Variants in PPIP5K2 observed in about 807,000 individuals in gnomAD.
PPIP5K2 encodes inositol hexakisphosphate and diphosphoinositol-pentakisphosphate kinase 2.
A neutral mutation model predicts 154.6 loss-of-function variants in PPIP5K2; 105 were observed. The observed-to-expected ratio is 0.68, with a 90% CI of 0.58 to 0.80. The LOEUF (loss-of-function observed/expected upper bound fraction) is 0.80, where lower values mean the gene tolerates loss of function less well. Ranked by LOEUF, PPIP5K2 falls within the 30% of genes least tolerant of loss-of-function variation. The pLI is 0.00. For missense variants in PPIP5K2, 992 were observed against 1,504.6 expected, an observed-to-expected ratio of 0.66 and a Z score of 5.64; for synonymous variants, 480 against 490.3, an observed-to-expected ratio of 0.98 and a Z score of 0.28.
At chr5:103,187,532 A>T (rs1341534065) in intron 28 of PPIP5K2, among the ~76,000 whole-genome samples, 156 bp downstream of exon 28, 2 of 152,074 alleles carry the variant, frequency 1.3e-5, no homozygotes, top group Non-Finnish European at 2.9e-5. Flanking sequence ...CAAATTATTG[A>T]TACTGTCTAG....
intron 14 of PPIP5K2, among the ~76,000 whole-genome samples, chr5:103,156,844 C>T (rs1795490775): frequency 6.6e-6 from 1 of 152,086 alleles, no homozygotes; most frequent in Non-Finnish European, 1.5e-5. Context: ...TAGGGATATT[C>T]ATAGTGGTAT....
intron 16 of PPIP5K2, 39 bp from the exon 17 acceptor site, chr5:103,159,107 A>T: frequency 7.3e-7 from 1 of 1,370,180 alleles, no homozygotes. Flanking sequence ...TTACGTATTA[A>T]TTTTTTAAAT....
chr5:103,181,307 C>A (rs1035051101), intron 24 of PPIP5K2, among the ~76,000 whole-genome samples: 1 of 152,050 alleles, frequency 6.6e-6, no homozygotes, highest in Admixed American at 6.6e-5. Context: ...GTGGCTCATG[C>A]CTGTAAACCT....
chr5:103,143,675 A>G (rs1480465347), intron 5 of PPIP5K2, among the ~76,000 whole-genome samples: 1 of 152,232 alleles, frequency 6.6e-6, no homozygotes, highest in Non-Finnish European at 1.5e-5. Context: ...ATCCAACTCT[A>G]TACTCTCTAC....
intron 4 of PPIP5K2, among the ~76,000 whole-genome samples, 182 bp downstream of exon 4, chr5:103,137,004 T>C (rs1393056520): frequency 2.0e-5 from 3 of 152,212 alleles, no homozygotes; most frequent in African/African-American, 7.2e-5. Flanking sequence ...ATTAGGAAGA[T>C]TGATTAATCT....
intron 28 of PPIP5K2, chr5:103,189,300 A>G (rs1800863075): frequency 1.7e-6 from 2 of 1,195,714 alleles, no homozygotes; most frequent in Non-Finnish European, 1.2e-6. Flanking sequence ...TTCATTGTGC[A>G]TTAAAGGAAA....
intron 19 of PPIP5K2, among the ~76,000 whole-genome samples, chr5:103,172,108 T>C (rs183752): frequency 0.24 from 36,767 of 151,536 alleles, 5,127 homozygotes; most frequent in East Asian, 0.45. Context: ...TCCTCACATC[T>C]TGCTAATAAC....
At chr5:103,158,391 C>T (rs2149607140) in intron 15 of PPIP5K2, 61 bp from the exon 16 acceptor site, 7 of 1,590,228 alleles carry the variant, frequency 4.4e-6, no homozygotes, top group Non-Finnish European at 6.0e-6. Context: ...TGTTATTAAA[C>T]ATTTATAGAA....
rs999821901 is a variant in PPIP5K2, at chr5:103,173,906, A to G, written c.2463A>G (p.Leu821=). ...CTGAACGTCATGTTCGTACTAGATT[A>G]TATTTTACCAGTGAAAGTCATGTAC... is the stretch of plus-strand genomic sequence containing the variant. ...LSPERHVRTR[L]YFTSESHVHS... The change falls in exon 21 of 31, where the codon TTA becomes TTG. Residue 821 remains leucine, a synonymous_variant. Coordinates refer to ENST00000358359, the MANE Select transcript of PPIP5K2 (RefSeq NM_001276277.3). 1 of 1,609,836 alleles carries G rather than the reference A, an allele frequency of 6.2e-7. No individual in the cohort carries two copies. The highest frequency in any genetic ancestry group is 8.5e-7 in the Non-Finnish European group (1 of 1,176,872).
intron 2 of PPIP5K2, among the ~76,000 whole-genome samples, chr5:103,130,142 A>G (rs185172940): frequency 6.6e-6 from 1 of 152,332 alleles, no homozygotes; most frequent in East Asian, 1.9e-4. Flanking sequence ...AGATACTCAT[A>G]TTTATTAACT....
intron 2 of PPIP5K2, among the ~76,000 whole-genome samples, chr5:103,130,132 A>G (rs1407403668): frequency 6.6e-6 from 1 of 152,194 alleles, no homozygotes; most frequent in Non-Finnish European, 1.5e-5. Flanking sequence ...GTTGAACCGA[A>G]GATACTCATA....
At chr5:103,181,359 G>A (rs546006835) in intron 24 of PPIP5K2, among the ~76,000 whole-genome samples, 6 of 152,004 alleles carry the variant, frequency 3.9e-5, no homozygotes, top group South Asian at 2.1e-4. Flanking sequence ...CCTGAGGTCA[G>A]GAGTTCGAGA....
In PPIP5K2 at chr5:103,133,596, A is replaced by G; in HGVS notation, c.258A>G (p.Glu86=). The change falls in exon 3 of 31, where the codon GAA becomes GAG. Residue 86 remains glutamate, a synonymous_variant. Coordinates refer to ENST00000358359, the MANE Select transcript of PPIP5K2 (RefSeq NM_001276277.3). ...VVFEEEVILN[E]PVENWPLCDC... The stretch of plus-strand genomic sequence containing the variant: ...TTGAAGAGGAGGTTATTTTGAATGA[A>G]CCAGTGGAAAACTGGCCTTTATGTG... 1 of 1,611,980 alleles carries G rather than the reference A, an allele frequency of 6.2e-7. No homozygotes were observed. The highest frequency in any genetic ancestry group is 1.1e-5 in the South Asian group (1 of 90,756).
chr5:103,149,946 C>T (rs560328391), intron 8 of PPIP5K2, among the ~76,000 whole-genome samples: 3 of 152,158 alleles, frequency 2.0e-5, no homozygotes, highest in South Asian at 2.1e-4. Context: ...CTGCCCACCT[C>T]GGCTTCCCAA....
intron 20 of PPIP5K2, among the ~76,000 whole-genome samples, chr5:103,173,565 T>G (rs1554220068): frequency 6.6e-6 from 1 of 151,950 alleles, no homozygotes; most frequent in Non-Finnish European, 1.5e-5. Flanking sequence ...CATCTTTAGG[T>G]CTATAACCTC....
In PPIP5K2 at chr5:103,202,907, C is replaced by T. The variant is rs1554231156; in HGVS notation, c.*1273C>T. The T allele has an allele frequency of 6.6e-6, 1 of 152,388 alleles. No homozygotes were observed. Among genetic ancestry groups the T allele is most frequent in the African/African-American group, 2.4e-5 (1 of 41,376 alleles). 9.4% of individuals were successfully genotyped at this position (152,388 alleles called of 1,614,324 possible). A position where few individuals can be genotyped will look rare whatever the true frequency, so the allele number is the denominator to read the frequency against. On this transcript the variant is annotated 3_prime_UTR_variant, in exon 31 of 31. Transcript: ENST00000358359. ...TGGTATGAATATAACTATTGTAATT[C>T]TTCAAATGAGACTCTTCTCACCTTA...
rs1395933512 is a variant in PPIP5K2 at position 103,149,045 on chromosome 5, C to A, written c.745-107C>A. The A allele has an allele frequency of 2.1e-5, 19 of 919,228 alleles. No homozygotes were observed. In the Admixed American group the frequency reaches 2.5e-4, roughly 12 times the overall value. The allele number at this position is 919,228 out of a possible 1,614,324, so 56.9% of individuals were successfully genotyped here. ...AAAGATGTGTCTACTAGCCTGGATT[C>A]TGAACTATTTTTTAGTAATTTTTTC... On this transcript the variant is annotated intron_variant, in intron 7 of 30. Transcript: ENST00000358359.
At chr5:103,166,701 C>G (rs548707372) in intron 17 of PPIP5K2, among the ~76,000 whole-genome samples, 1 of 151,872 alleles carries the variant, frequency 6.6e-6, no homozygotes, top group South Asian at 2.1e-4. Context: ...ATTATATGCT[C>G]TAGTCTTACA....
chr5:103,141,219 G>C (rs1283918043), intron 5 of PPIP5K2, among the ~76,000 whole-genome samples: 1 of 152,180 alleles, frequency 6.6e-6, no homozygotes, highest in Non-Finnish European at 1.5e-5. Context: ...TGAAGCCGCA[G>C]ACCCTCGCGG....
Sources: gnomAD v4.1 joint callset for allele counts (sites outside exome capture counted in the v4.1 genomes callset) on GRCh38, gnomAD v4.1.1 for gene constraint, MANE v1.5 for transcripts, NCBI Gene and HGNC (gene_info 2026-07-23, HGNC 2026-07-21) for gene names.